MED28: variants seen among roughly 807,000 people sequenced by gnomAD.
The protein encoded by MED28 is mediator of RNA polymerase II transcription subunit 28.
MED28 carries 26 observed loss-of-function variants against 21.3 expected under a neutral mutation model. That is an observed-to-expected ratio of 1.22 (90% CI 0.89 to 1.69). The LOEUF (loss-of-function observed/expected upper bound fraction) is 1.69, where lower values mean the gene tolerates loss of function less well. Among genes scored for constraint, MED28 ranks in the 40% most tolerant of loss-of-function variants. The pLI is 0.00. For synonymous variants in MED28, 110 were observed against 87.6 expected, an observed-to-expected ratio of 1.26 and a Z score of -1.43; for missense variants, 257 against 215.4, an observed-to-expected ratio of 1.19 and a Z score of -1.21.
rs201442173 is a variant in MED28, at chr4:17,620,068, A to C, written c.226+101A>C. The C allele has an allele frequency of 1.4e-4, 154 of 1,108,172 alleles. No homozygotes were observed. In the East Asian group the frequency reaches 3.0e-3, roughly 22 times the overall value. 68.6% of individuals were successfully genotyped at this position (1,108,172 alleles called of 1,614,324 possible). A position where few individuals can be genotyped will look rare whatever the true frequency, so the allele number is the denominator to read the frequency against. The stretch of plus-strand genomic sequence containing the variant: ...GTTTCAGTCCTGCTTTTATCCTAAG[A>C]CAACATTTCAGGGACTAAAATGTGT... On this transcript the variant is annotated intron_variant, in intron 2 of 3. Coordinates refer to ENST00000237380, the MANE Select transcript of MED28 (RefSeq NM_025205.5).
chr4:17,614,951 G>A, intron 1 of MED28, 138 bp downstream of exon 1: 5 of 1,084,942 alleles, frequency 4.6e-6, no homozygotes, highest in Non-Finnish European at 6.6e-6. Context: ...TAAGTCACTT[G>A]CTTTAGGCTT....
At chr4:17,616,698 A>G (rs1181614772) in intron 1 of MED28, among the ~76,000 whole-genome samples, 1 of 152,094 alleles carries the variant, frequency 6.6e-6, no homozygotes, top group Non-Finnish European at 1.5e-5. Flanking sequence ...AATACTTACC[A>G]TTAAATTCGG....
Position 17,631,706 on chromosome 4 carries a change from G to A in MED28, c.*7908G>A, listed in dbSNP as rs1224574601. On this transcript the variant is annotated 3_prime_UTR_variant, in exon 4 of 4. Transcript: ENST00000237380. ...GCTGCTTGTCTTAGACCAAGGAAGT[G>A]AAAGTATTCAGTCCAAGCATGCTAC... The A allele has an allele frequency of 6.6e-6, 1 of 152,204 alleles. No homozygotes were observed. The highest frequency in any genetic ancestry group is 1.5e-5 in the Non-Finnish European group (1 of 68,042). 9.4% of individuals were successfully genotyped at this position (152,204 alleles called of 1,614,324 possible).
rs979412463 is a variant in MED28 at position 17,630,089 on chromosome 4, C to G, written c.*6291C>G. 3.3e-5 allele frequency: 5 copies of G among 152,154 alleles called. No homozygotes were observed. The highest frequency in any genetic ancestry group is 1.2e-4 in the African/African-American group (5 of 41,436). 9.4% of individuals were successfully genotyped at this position (152,154 alleles called of 1,614,324 possible). A position where few individuals can be genotyped will look rare whatever the true frequency, so the allele number is the denominator to read the frequency against. ...CAAGAAAGGAGTCAAAACCTATGTA[C>G]GATCTCAACTAGTAAAATTTTCTCC... On this transcript the variant is annotated 3_prime_UTR_variant, in exon 4 of 4. Coordinates refer to ENST00000237380, the MANE Select transcript of MED28 (RefSeq NM_025205.5).
intron 1 of MED28, among the ~76,000 whole-genome samples, chr4:17,618,311 A>AT (rs1714519285): frequency 6.6e-6 from 1 of 151,700 alleles, no homozygotes; most frequent in African/African-American, 2.4e-5. Flanking sequence ...CGGACCCTAA[A>AT]TTTTTTTCTT....
chr4:17,632,038 T>A lies in MED28; in HGVS notation c.*8240T>A. The A allele has an allele frequency of 6.9e-6, 1 of 145,512 alleles. No homozygotes were observed. Among genetic ancestry groups the A allele is most frequent in the Admixed American group, 7.1e-5 (1 of 14,110 alleles). The allele number at this position is 145,512 out of a possible 1,614,324, so 9.0% of individuals were successfully genotyped here. A position where few individuals can be genotyped will look rare whatever the true frequency, so the allele number is the denominator to read the frequency against. ...ATGACTTTTAATAACACTGGTTTAA[T>A]GTCAATTTTTTTTTTTTTTTTTTTT... On this transcript the variant is annotated 3_prime_UTR_variant, in exon 4 of 4. Transcript: ENST00000237380.
At chr4:17,615,263 G>A (rs191649665) in intron 1 of MED28, among the ~76,000 whole-genome samples, 1 of 152,192 alleles carries the variant, frequency 6.6e-6, no homozygotes, top group African/African-American at 2.4e-5. Flanking sequence ...ACCAGGCGCA[G>A]CTTGGTACTA....
chr4:17,621,740 A>G (rs368346412), intron 3 of MED28, 41 bp downstream of exon 3: 13 of 1,304,988 alleles, frequency 1.0e-5, no homozygotes, highest in Admixed American at 2.0e-5. Flanking sequence ...AGGAAGAACT[A>G]AGTGGTGCCA....
At chr4:17,614,837 T>G in intron 1 of MED28, 24 bp downstream of exon 1, 1 of 1,576,062 alleles carries the variant, frequency 6.3e-7, no homozygotes, top group Non-Finnish European at 8.6e-7. Flanking sequence ...TGGGCGTCTT[T>G]GTCCCTAGCC....
At chr4:17,617,049 G>T (rs1294080828) in intron 1 of MED28, among the ~76,000 whole-genome samples, 1 of 152,186 alleles carries the variant, frequency 6.6e-6, no homozygotes, top group Non-Finnish European at 1.5e-5. Context: ...AAGAAACCTG[G>T]GGTACTGTGG....
Position 17,628,282 on chromosome 4 carries a change from G to GTGTGTGTGTGTGTGTGTGTGTGTGTGTA in MED28, c.*4493_*4494insGTGTGTGTGTGTGTGTGTATGTGTGTGT, listed in dbSNP as rs1553825995. The GTGTGTGTGTGTGTGTGTGTGTGTGTGTA allele has an allele frequency of 6.7e-6, 1 of 148,620 alleles. No homozygotes were observed. The highest frequency in any genetic ancestry group is 2.6e-5 in the African/African-American group (1 of 38,980). The allele number at this position is 148,620 out of a possible 1,614,324, so 9.2% of individuals were successfully genotyped here. ...TGTGTGTGTGTGTGTGTGTGTGTGTGTGTGTGTGTATGTGTATATGCGTAT... is the reference window on the plus strand; with the variant it reads ...TGTGTGTGTGTGTGTGTGTGTGTGTGTGTGTGTGTGTGTGTGTGTGTGTGTGTATGTGTGTGTATGTGTATATGCGTAT... On this transcript the variant is annotated 3_prime_UTR_variant, in exon 4 of 4. Coordinates refer to ENST00000237380, the MANE Select transcript of MED28 (RefSeq NM_025205.5).
rs757872963 is a variant in MED28 at position 17,614,714 on chromosome 4, G to A, written c.60G>A (p.Pro20=). The A allele has an allele frequency of 1.2e-6, 2 of 1,614,202 alleles. No homozygotes were observed. The highest frequency in any genetic ancestry group is 1.7e-4 in the Middle Eastern group (1 of 6,060). The change falls in exon 1 of 4, where the codon CCG becomes CCA. Residue 20 remains proline, a synonymous_variant. Coordinates refer to ENST00000237380, the MANE Select transcript of MED28 (RefSeq NM_025205.5). ...AGCCACCCGGTCCCCCTCAGGCCCCGCCGGGCCTTCCGGGCCAAGCTTCGC... is the reference window on the plus strand; with the variant it reads ...AGCCACCCGGTCCCCCTCAGGCCCCACCGGGCCTTCCGGGCCAAGCTTCGC... The part of the protein sequence containing the change: ...SGQPPGPPQA[P]PGLPGQASLL...
intron 1 of MED28, among the ~76,000 whole-genome samples, chr4:17,618,591 A>G (rs1161315890): frequency 3.9e-5 from 6 of 152,084 alleles, no homozygotes. Context: ...GTCTTGGCTC[A>G]CTGCAACCTC....
chr4:17,629,035 C>G lies in MED28; in HGVS notation c.*5237C>G, dbSNP rs1316667536. Reference sequence around the variant, plus strand: ...GAGGATCACTTTGAGGTCAGGAGTTCATGACCAGCCTGGCCAACATGGTGA... The same window carrying G: ...GAGGATCACTTTGAGGTCAGGAGTTGATGACCAGCCTGGCCAACATGGTGA... On this transcript the variant is annotated 3_prime_UTR_variant, in exon 4 of 4. Coordinates refer to ENST00000237380, the MANE Select transcript of MED28 (RefSeq NM_025205.5). 1 of 152,326 alleles carries G rather than the reference C, an allele frequency of 6.6e-6. No homozygotes were observed. Among genetic ancestry groups the G allele is most frequent in the East Asian group, 1.9e-4 (1 of 5,190 alleles). The allele number at this position is 152,326 out of a possible 1,614,324, so 9.4% of individuals were successfully genotyped here. A position where few individuals can be genotyped will look rare whatever the true frequency, so the allele number is the denominator to read the frequency against.
chr4:17,632,560 T>G lies in MED28; in HGVS notation c.*8762T>G. On this transcript the variant is annotated 3_prime_UTR_variant, in exon 4 of 4. Transcript: ENST00000237380. Reference sequence around the variant, plus strand: ...GAAAGAAAAGTACTTGGTGAACCATTCCTGGTGCGGAGAGCCCTGTTTCTG... The same window carrying G: ...GAAAGAAAAGTACTTGGTGAACCATGCCTGGTGCGGAGAGCCCTGTTTCTG... The G allele has an allele frequency of 1.3e-6, 2 of 1,551,496 alleles. No homozygotes were observed. The highest frequency in any genetic ancestry group is 1.7e-6 in the Non-Finnish European group (2 of 1,146,814).
rs6857028 is a variant in MED28, at chr4:17,626,805, C to T, written c.*3007C>T. The T allele has an allele frequency of 0.032, 4,884 of 152,284 alleles. 245 individuals are homozygous for T. Among genetic ancestry groups the T allele is most frequent in the African/African-American group, 0.11 (4,622 of 41,474 alleles). The allele number at this position is 152,284 out of a possible 1,614,324, so 9.4% of individuals were successfully genotyped here. On this transcript the variant is annotated 3_prime_UTR_variant, in exon 4 of 4. Coordinates refer to ENST00000237380, the MANE Select transcript of MED28 (RefSeq NM_025205.5). ...TCAGGTAGCCTGTGTGTTCTACAAACAGCAGCTGGCAGCACTGTCTCCTGC... is the reference window on the plus strand; with the variant it reads ...TCAGGTAGCCTGTGTGTTCTACAAATAGCAGCTGGCAGCACTGTCTCCTGC...
At chr4:17,618,003 C>CTTT (rs1714502450) in intron 1 of MED28, among the ~76,000 whole-genome samples, 1 of 112,166 alleles carries the variant, frequency 8.9e-6, no homozygotes, top group Non-Finnish European at 1.9e-5. Context: ...TTTTTTTTTT[C>CTTT]TTTTCTTTTC....
At position 17,629,703 on chromosome 4, in the gene MED28, T is replaced by C. The variant is rs1200182712; in HGVS notation, c.*5905T>C. Reference sequence around the variant, plus strand: ...TTCTCTTCATCTTCACTGTCACCTCTACGCCATCACTGTCATCTCTAGACC... The same window carrying C: ...TTCTCTTCATCTTCACTGTCACCTCCACGCCATCACTGTCATCTCTAGACC... On this transcript the variant is annotated 3_prime_UTR_variant, in exon 4 of 4. Transcript: ENST00000237380. 4 of 152,248 alleles carry C rather than the reference T, an allele frequency of 2.6e-5. No homozygotes were observed. Among genetic ancestry groups the C allele is most frequent in the Non-Finnish European group, 4.4e-5 (3 of 68,034 alleles). The allele number at this position is 152,248 out of a possible 1,614,324, so 9.4% of individuals were successfully genotyped here. A position where few individuals can be genotyped will look rare whatever the true frequency, so the allele number is the denominator to read the frequency against.
At chr4:17,623,049 T>C (rs933272829) in intron 3 of MED28, among the ~76,000 whole-genome samples, 1 of 152,194 alleles carries the variant, frequency 6.6e-6, no homozygotes, top group East Asian at 1.9e-4. Context: ...CATATCAATC[T>C]GATTTCTTTT....
Sources: allele counts gnomAD v4.1 joint callset (sites outside exome capture counted in the v4.1 genomes callset), GRCh38; gene constraint gnomAD v4.1.1; transcripts MANE v1.5; gene names NCBI Gene and HGNC (gene_info 2026-07-23, HGNC 2026-07-21).